The following SGCZ variants were observed in gnomAD, a reference collection of about 807,000 sequenced individuals.
The protein encoded by SGCZ is sarcoglycan zeta.
In SGCZ, 40 loss-of-function variants were observed where a neutral mutation model predicts 41.3. The ratio of observed to expected loss-of-function variants is 0.97; its 90% CI spans 0.75 to 1.26. The LOEUF (loss-of-function observed/expected upper bound fraction) is 1.26. SGCZ is among the 50% of genes most tolerant of loss of function. The pLI is 0.00. For synonymous variants in SGCZ, 206 were observed against 137.5 expected (o/e 1.50, Z -3.49); for missense variants, 552 against 369.8 (o/e 1.49, Z -4.04).
chr8:14,663,573 G>C (rs910041729), intron 1 of SGCZ, among the ~76,000 whole-genome samples: 7 of 152,066 alleles, frequency 4.6e-5, no homozygotes, highest in Non-Finnish European at 1.0e-4. Context: ...CTTTTATCTA[G>C]TTGTGGTAAT....
intron 2 of SGCZ, among the ~76,000 whole-genome samples, chr8:14,547,768 G>A (rs1040979620): frequency 6.6e-6 from 1 of 152,082 alleles, no homozygotes; most frequent in Non-Finnish European, 1.5e-5. Flanking sequence ...AGCTAGTCTT[G>A]GAGCCATAAT....
At chr8:14,704,118 C>G (rs1329056952) in intron 1 of SGCZ, among the ~76,000 whole-genome samples, 2 of 151,902 alleles carry the variant, frequency 1.3e-5, no homozygotes, top group Admixed American at 6.6e-5. Flanking sequence ...AAATATTATC[C>G]AGCACATATT....
chr8:14,320,233 A>G (rs1440056554), intron 3 of SGCZ, among the ~76,000 whole-genome samples: 1 of 151,710 alleles, frequency 6.6e-6, no homozygotes, highest in Admixed American at 6.6e-5. Context: ...ATAATATGAT[A>G]ATGATAACCA....
intron 2 of SGCZ, among the ~76,000 whole-genome samples, chr8:14,514,440 T>G (rs1461026731): frequency 1.3e-5 from 2 of 152,064 alleles, no homozygotes; most frequent in Non-Finnish European, 2.9e-5. Flanking sequence ...AGAGAATTAG[T>G]GTAAAACTCA....
At chr8:14,186,326 G>T (rs79270409) in intron 4 of SGCZ, among the ~76,000 whole-genome samples, 1 of 152,218 alleles carries the variant, frequency 6.6e-6, no homozygotes, top group African/African-American at 2.4e-5. Flanking sequence ...TATCATTTTA[G>T]CCATGAATCT....
At chr8:14,527,243 A>G (rs1315977114) in intron 2 of SGCZ, among the ~76,000 whole-genome samples, 3 of 152,180 alleles carry the variant, frequency 2.0e-5, no homozygotes, top group Non-Finnish European at 2.9e-5. Flanking sequence ...ATCAGTAGAT[A>G]TGATGAGGTA....
chr8:15,221,698 T>C (rs940117589), intron 1 of SGCZ, among the ~76,000 whole-genome samples: 4 of 152,134 alleles, frequency 2.6e-5, no homozygotes, highest in South Asian at 4.1e-4. Flanking sequence ...TGTGGAATAG[T>C]TGTCGACGAC....
intron 1 of SGCZ, among the ~76,000 whole-genome samples, chr8:15,132,798 C>T (rs931050491): frequency 6.6e-6 from 1 of 152,132 alleles, no homozygotes; most frequent in South Asian, 2.1e-4. Flanking sequence ...CATTTGAGAG[C>T]CTGTTCACCA....
intron 2 of SGCZ, among the ~76,000 whole-genome samples, chr8:14,346,674 C>G (rs999395253): frequency 6.6e-6 from 1 of 151,782 alleles, no homozygotes; most frequent in Admixed American, 6.6e-5. Flanking sequence ...AAAACTGAAG[C>G]TGTTTTACAT....
intron 1 of SGCZ, among the ~76,000 whole-genome samples, chr8:14,564,125 T>A (rs1804287074): frequency 6.6e-6 from 1 of 152,202 alleles, no homozygotes; most frequent in Admixed American, 6.5e-5. Flanking sequence ...GCAAGATAGA[T>A]AATTTGAGAA....
chr8:15,139,320 T>C (rs945201113), intron 1 of SGCZ, among the ~76,000 whole-genome samples: 2 of 152,218 alleles, frequency 1.3e-5, no homozygotes, highest in African/African-American at 2.4e-5. Flanking sequence ...GGACGGGGTA[T>C]GTCTAAAGAA....
Position 15,168,243 on chromosome 8 carries a change from G to T in SGCZ, c.39+69342C>A, listed in dbSNP as rs189329303. Among the ~76,000 whole-genome samples, 135 of 152,274 alleles carry T rather than the reference G, an allele frequency of 8.9e-4. 1 individual carries two copies. Among genetic ancestry groups the T allele is most frequent in the African/African-American group, 3.0e-3 (123 of 41,556 alleles). On this transcript the variant is annotated intron_variant, in intron 1 of 7. Coordinates refer to ENST00000382080, the MANE Select transcript of SGCZ (RefSeq NM_139167.4). ...AAAACTGGGTCTAAGGGATTCAGAG[G>T]CAGATGACAACAGAGCTTAAAAGGC...
chr8:14,095,420 G>A (rs1378002340), intron 7 of SGCZ, among the ~76,000 whole-genome samples: 2 of 152,180 alleles, frequency 1.3e-5, no homozygotes, highest in Non-Finnish European at 2.9e-5. Context: ...GTTTGTCAAA[G>A]TTCAGATGGT....
At chr8:14,353,412 T>G (rs1371821960) in intron 2 of SGCZ, among the ~76,000 whole-genome samples, 1 of 152,076 alleles carries the variant, frequency 6.6e-6, no homozygotes, top group East Asian at 1.9e-4. Context: ...ATTATCTCCC[T>G]TCTACTCACA....
chr8:14,715,327 T>C (rs1809653130), intron 1 of SGCZ, among the ~76,000 whole-genome samples: 1 of 152,096 alleles, frequency 6.6e-6, no homozygotes, highest in African/African-American at 2.4e-5. Context: ...TAACTCTTCA[T>C]TTAATGCACA....
chr8:14,758,491 T>C (rs908350603), intron 1 of SGCZ, among the ~76,000 whole-genome samples: 4 of 152,178 alleles, frequency 2.6e-5, no homozygotes, highest in African/African-American at 9.7e-5. Flanking sequence ...AACATTCGAA[T>C]TGGTTTCTAA....
intron 1 of SGCZ, among the ~76,000 whole-genome samples, chr8:15,014,392 C>G (rs1388290619): frequency 6.6e-6 from 1 of 152,164 alleles, no homozygotes; most frequent in African/African-American, 2.4e-5. Context: ...TATCCACTTA[C>G]TCAGGAATGG....
chr8:14,719,573 G>C (rs1340778592), intron 1 of SGCZ, among the ~76,000 whole-genome samples: 1 of 152,022 alleles, frequency 6.6e-6, no homozygotes, highest in Non-Finnish European at 1.5e-5. Flanking sequence ...GTATCTCATT[G>C]TGGTTTTGAT....
At chr8:14,096,837 G>A (rs1028875144) in intron 7 of SGCZ, among the ~76,000 whole-genome samples, 2 of 152,084 alleles carry the variant, frequency 1.3e-5, no homozygotes, top group Non-Finnish European at 2.9e-5. Context: ...TCTTGGGAAG[G>A]TGTATGTGTC....
Sources: gnomAD v4.1 joint callset for allele counts (sites outside exome capture counted in the v4.1 genomes callset) on GRCh38, gnomAD v4.1.1 for gene constraint, MANE v1.5 for transcripts, NCBI Gene and HGNC (gene_info 2026-07-23, HGNC 2026-07-21) for gene names.